KAZN: variants seen among roughly 807,000 people sequenced by gnomAD.
KAZN encodes the protein kazrin, periplakin interacting protein.
In KAZN, 40 loss-of-function variants were observed where a neutral mutation model predicts 87.4. The ratio of observed to expected loss-of-function variants is 0.46; its 90% confidence interval spans 0.36 to 0.60. The LOEUF is 0.60. Among genes scored for constraint, KAZN ranks in the 20% least tolerant of loss-of-function variants. The probability of loss-of-function intolerance (pLI) is 0.00; values close to 1 mark genes in which losing one functional copy is unlikely to be tolerated. For missense variants in KAZN, 898 were observed against 1,073.9 expected (o/e 0.84, Z 2.29); for synonymous variants, 466 against 458.3 (o/e 1.02, Z -0.22).
At chr1:14,170,212 G>A (rs1166218258) in intron 1 of KAZN, among the ~76,000 whole-genome samples, 2 of 152,106 alleles carry the variant, frequency 1.3e-5, no homozygotes, top group South Asian at 2.1e-4. Flanking sequence ...AGCCACACAT[G>A]GTGGTTTTAT....
intron 1 of KAZN, among the ~76,000 whole-genome samples, chr1:14,846,400 G>A (rs1572635324): frequency 6.6e-6 from 1 of 152,098 alleles, no homozygotes. Context: ...AAAAAGGAAG[G>A]GAACCATAAC....
chr1:14,451,172 C>T (rs1667250812), intron 2 of KAZN, among the ~76,000 whole-genome samples: 1 of 152,124 alleles, frequency 6.6e-6, no homozygotes, highest in African/African-American at 2.4e-5. Flanking sequence ...CTATAAATTA[C>T]CTAGTCTCAG....
At chr1:14,398,706 G>T (rs1345197128) in intron 2 of KAZN, among the ~76,000 whole-genome samples, 6 of 152,170 alleles carry the variant, frequency 3.9e-5, no homozygotes, top group Non-Finnish European at 7.3e-5. Context: ...TCTTCTCTGA[G>T]AAATAAGCAT....
At chr1:14,001,018 G>A (rs543333549) in intron 1 of KAZN, among the ~76,000 whole-genome samples, 7 of 151,976 alleles carry the variant, frequency 4.6e-5, no homozygotes, top group South Asian at 4.2e-4. Flanking sequence ...TCCTGACCTC[G>A]TGATCCGCCC....
At chr1:14,337,396 C>CTA (rs1657345479) in intron 2 of KAZN, among the ~76,000 whole-genome samples, 1 of 152,180 alleles carries the variant, frequency 6.6e-6, no homozygotes, top group South Asian at 2.1e-4. Context: ...CAATAGTTTA[C>CTA]AAGTTTAGTC....
At chr1:14,454,254 T>A (rs1667443734) in intron 2 of KAZN, among the ~76,000 whole-genome samples, 2 of 152,256 alleles carry the variant, frequency 1.3e-5, no homozygotes, top group African/African-American at 4.8e-5. Context: ...AATGAGTTGT[T>A]GAAATCTAGA....
At chr1:13,968,113 G>A (rs1403686088) in intron 1 of KAZN, among the ~76,000 whole-genome samples, 10 of 152,270 alleles carry the variant, frequency 6.6e-5, no homozygotes, top group African/African-American at 2.4e-4. Flanking sequence ...TTTTTAAATG[G>A]TTCCCAGGTG....
At chr1:14,186,160 C>T (rs563887439) in intron 2 of KAZN, among the ~76,000 whole-genome samples, 31 of 152,134 alleles carry the variant, frequency 2.0e-4, no homozygotes, top group Non-Finnish European at 2.9e-4. Flanking sequence ...ATATTTTGTA[C>T]ATCATAGAGC....
intron 1 of KAZN, among the ~76,000 whole-genome samples, chr1:14,033,608 G>A (rs1641419335): frequency 6.6e-6 from 1 of 152,190 alleles, no homozygotes; most frequent in Non-Finnish European, 1.5e-5. Flanking sequence ...GCCACTGGAA[G>A]GTTATTGAAA....
rs35144232 is a variant in KAZN, at chr1:14,569,320, C to CTTTTTT, written c.250-29648_250-29643dup. 6.6e-3 allele frequency among the ~76,000 whole-genome samples: 605 copies of CTTTTTT among 92,292 alleles called. 93 individuals carry two copies. Among genetic ancestry groups the CTTTTTT allele is most frequent in the African/African-American group, 0.025 (545 of 22,034 alleles). 60.5% of individuals were successfully genotyped at this position (92,292 alleles called of 152,430 possible). ...TCCTCTACCTCCTCTACTTCCTCTG[C>CTTTTTT]TTTTTTTTTTTTTTTTTTTTGAGAC... On this transcript the variant is annotated intron_variant, in intron 2 of 16. Transcript: ENST00000636203.
At chr1:14,387,978 T>G (rs1308850645) in intron 2 of KAZN, among the ~76,000 whole-genome samples, 1 of 152,214 alleles carries the variant, frequency 6.6e-6, no homozygotes, top group African/African-American at 2.4e-5. Flanking sequence ...TCCGTGGGCG[T>G]AGGACCCTCC....
intron 2 of KAZN, among the ~76,000 whole-genome samples, chr1:14,215,136 G>C (rs534332581): frequency 4.6e-4 from 70 of 152,216 alleles, no homozygotes; most frequent in Admixed American, 1.6e-3. Flanking sequence ...CATTTCTCAC[G>C]TGGGGAGCTA....
chr1:15,044,822 A>G (rs1367624510), intron 4 of KAZN, among the ~76,000 whole-genome samples: 1 of 152,112 alleles, frequency 6.6e-6, no homozygotes, highest in Admixed American at 6.5e-5. Flanking sequence ...ACATGGAAAT[A>G]TTAATGTTCA....
intron 2 of KAZN, among the ~76,000 whole-genome samples, chr1:14,524,403 T>C (rs752591088): frequency 3.3e-5 from 5 of 152,122 alleles, no homozygotes; most frequent in Non-Finnish European, 7.4e-5. Flanking sequence ...ATGACCCACA[T>C]TCTAGACCCA....
chr1:14,549,267 C>T (rs1278121963), intron 2 of KAZN, among the ~76,000 whole-genome samples: 2 of 152,168 alleles, frequency 1.3e-5, no homozygotes, highest in South Asian at 2.1e-4. Context: ...CTTTCTCCTT[C>T]ACAGAATCCA....
intron 1 of KAZN, among the ~76,000 whole-genome samples, chr1:14,821,996 G>A (rs1384883682): frequency 6.6e-6 from 1 of 152,126 alleles, no homozygotes; most frequent in Non-Finnish European, 1.5e-5. Flanking sequence ...CTGTAGATTT[G>A]GTTGTTCAAA....
At chr1:14,501,035 C>G (rs990688119) in intron 2 of KAZN, among the ~76,000 whole-genome samples, 1 of 150,446 alleles carries the variant, frequency 6.6e-6, no homozygotes, top group Non-Finnish European at 1.5e-5. Context: ...GAATAAATAC[C>G]AATTCTTCAC....
chr1:14,034,720 G>T (rs1415173888), intron 1 of KAZN, among the ~76,000 whole-genome samples: 1 of 152,138 alleles, frequency 6.6e-6, no homozygotes, highest in Non-Finnish European at 1.5e-5. Flanking sequence ...GAGAGTTCAT[G>T]GTTCGTTGGG....
At chr1:14,262,434 T>G (rs1348754219) in intron 2 of KAZN, among the ~76,000 whole-genome samples, 1 of 152,228 alleles carries the variant, frequency 6.6e-6, no homozygotes, top group Non-Finnish European at 1.5e-5. Context: ...GCTTTGGCAA[T>G]TGCCGCTTTT....
Sources: allele counts gnomAD v4.1 joint callset (sites outside exome capture counted in the v4.1 genomes callset), GRCh38; gene constraint gnomAD v4.1.1; transcripts MANE v1.5; gene names NCBI Gene and HGNC (gene_info 2026-07-23, HGNC 2026-07-21).